Variants in CCSER1 observed in about 807,000 individuals in gnomAD.
The protein encoded by CCSER1 is coiled-coil serine rich protein 1.
CCSER1 carries 41 observed loss-of-function variants against 82.0 expected under a neutral mutation model. The ratio of observed to expected loss-of-function variants is 0.50; its 90% CI spans 0.39 to 0.65. CCSER1 has a LOEUF of 0.65. Ranked by LOEUF, CCSER1 falls within the 30% of genes least tolerant of loss-of-function variation. CCSER1 has a pLI of 0.00. For synonymous variants in CCSER1, 414 were observed against 383.9 expected, an observed-to-expected ratio of 1.08 and a Z score of -0.92; for missense variants, 1,119 against 1,064.2, an observed-to-expected ratio of 1.05 and a Z score of -0.72.
chr4:91,177,259 G>A (rs1733489304), intron 10 of CCSER1, among the ~76,000 whole-genome samples: 1 of 152,176 alleles, frequency 6.6e-6, no homozygotes, highest in South Asian at 2.1e-4. Flanking sequence ...ATGTTCATCA[G>A]GGATATTGGT....
chr4:90,314,933 A>T (rs6854651), intron 3 of CCSER1, among the ~76,000 whole-genome samples: 5 of 131,108 alleles, frequency 3.8e-5, no homozygotes, highest in African/African-American at 1.4e-4. Flanking sequence ...TGCAACCTCT[A>T]CCTCCCCAGT....
At chr4:91,309,826 G>A (rs1203049628) in intron 10 of CCSER1, among the ~76,000 whole-genome samples, 4 of 151,920 alleles carry the variant, frequency 2.6e-5, no homozygotes, top group East Asian at 1.9e-4. Context: ...AGAATGATAC[G>A]TTAGTGTATT....
chr4:90,852,483 G>A (rs966467282), intron 8 of CCSER1, among the ~76,000 whole-genome samples: 1 of 152,236 alleles, frequency 6.6e-6, no homozygotes, highest in African/African-American at 2.4e-5. Context: ...TGGTGCTGCA[G>A]AAGCCAGATA....
intron 6 of CCSER1, among the ~76,000 whole-genome samples, chr4:90,699,216 C>T (rs1463554547): frequency 6.6e-6 from 1 of 152,150 alleles, no homozygotes; most frequent in Non-Finnish European, 1.5e-5. Flanking sequence ...GTAATCCTAG[C>T]ACTTCAGGAA....
chr4:91,543,389 C>T (rs1349297379), intron 10 of CCSER1, among the ~76,000 whole-genome samples: 1 of 152,180 alleles, frequency 6.6e-6, no homozygotes, highest in African/African-American at 2.4e-5. Flanking sequence ...GCAGTTTCTT[C>T]CTAGCCTCAA....
At chr4:91,387,729 TA>T (rs552700209) in intron 10 of CCSER1, among the ~76,000 whole-genome samples, 4 of 148,204 alleles carry the variant, frequency 2.7e-5, no homozygotes, top group East Asian at 2.0e-4. Context: ...AACTAAATGA[TA>T]AAAAAATGAT....
intron 7 of CCSER1, among the ~76,000 whole-genome samples, chr4:90,729,628 C>A (rs1260849226): frequency 1.3e-5 from 2 of 152,094 alleles, no homozygotes; most frequent in East Asian, 3.9e-4. Flanking sequence ...GTAATCCCAG[C>A]ACTTTGGGAG....
At chr4:91,371,145 G>A (rs1750014509) in intron 10 of CCSER1, among the ~76,000 whole-genome samples, 1 of 152,120 alleles carries the variant, frequency 6.6e-6, no homozygotes, top group Non-Finnish European at 1.5e-5. Flanking sequence ...TTACAGGCAT[G>A]AGCCACCACA....
intron 10 of CCSER1, among the ~76,000 whole-genome samples, chr4:91,269,025 C>A (rs1741827394): frequency 1.3e-5 from 2 of 152,142 alleles, no homozygotes; most frequent in Non-Finnish European, 2.9e-5. Flanking sequence ...TATTTTTGGT[C>A]ATGCAAAGAT....
At chr4:90,843,160 AG>A (rs1339291740) in intron 8 of CCSER1, among the ~76,000 whole-genome samples, 1 of 152,056 alleles carries the variant, frequency 6.6e-6, no homozygotes, top group East Asian at 1.9e-4. Context: ...TCATTTCTTC[AG>A]TTTTCTCATC....
chr4:90,618,539 C>G (rs1721731686), intron 5 of CCSER1, among the ~76,000 whole-genome samples: 1 of 151,774 alleles, frequency 6.6e-6, no homozygotes, highest in Non-Finnish European at 1.5e-5. Context: ...TAGGTTCTAA[C>G]TATTTTATGT....
intron 4 of CCSER1, among the ~76,000 whole-genome samples, chr4:90,420,217 T>C (rs187802912): frequency 2.4e-4 from 36 of 152,168 alleles, no homozygotes; most frequent in African/African-American, 8.7e-4. Context: ...ATTAGTTTGA[T>C]ACATTCTTTT....
At chr4:90,460,172 A>C (rs1316010485) in intron 4 of CCSER1, among the ~76,000 whole-genome samples, 1 of 148,372 alleles carries the variant, frequency 6.7e-6, no homozygotes, top group Non-Finnish European at 1.5e-5. Flanking sequence ...TAAAAATACA[A>C]AAATTAGCCG....
At chr4:90,521,034 T>C (rs549735928) in intron 5 of CCSER1, among the ~76,000 whole-genome samples, 24 of 152,232 alleles carry the variant, frequency 1.6e-4, no homozygotes, top group African/African-American at 5.8e-4. Flanking sequence ...CTTGACACTT[T>C]CATTTTAAAA....
At chr4:91,361,745 T>A (rs1006854481) in intron 10 of CCSER1, among the ~76,000 whole-genome samples, 16 of 151,844 alleles carry the variant, frequency 1.1e-4, no homozygotes, top group Non-Finnish European at 1.3e-4. Flanking sequence ...GTGTTTTTGC[T>A]ATGAAGACCA....
chr4:90,343,520 G>A (rs545408108), intron 3 of CCSER1, among the ~76,000 whole-genome samples: 1 of 152,140 alleles, frequency 6.6e-6, no homozygotes, highest in African/African-American at 2.4e-5. Context: ...AGGAGGCTGA[G>A]GCAGGAGAAT....
At position 90,789,436 on chromosome 4, in the gene CCSER1, A is replaced by G. The variant is rs181267841; in HGVS notation, c.2011-26326A>G. ...TACATGAATATCCTAGTGATTCTCA[A>G]ATCTCCATTTTCTGATCAGATATTT... is the stretch of plus-strand genomic sequence containing the variant. On this transcript the variant is annotated intron_variant, in intron 7 of 10. Coordinates refer to ENST00000509176, the MANE Select transcript of CCSER1 (RefSeq NM_001145065.2). Among the ~76,000 whole-genome samples, 685 of 152,172 alleles carry G rather than the reference A, an allele frequency of 4.5e-3. 5 individuals are homozygous for G. Among genetic ancestry groups the G allele is most frequent in the Non-Finnish European group, 5.4e-3 (367 of 68,014 alleles).
At position 90,136,333 on chromosome 4, in the gene CCSER1, C is replaced by T. The variant is rs548268119; in HGVS notation, c.-42+8502C>T. Reference sequence around the variant, plus strand: ...ACACCATGCATTCCAGCTTGGGCAACAGCAAGACCCTGTCTCTAAAAAAGA... The same window carrying T: ...ACACCATGCATTCCAGCTTGGGCAATAGCAAGACCCTGTCTCTAAAAAAGA... On this transcript the variant is annotated intron_variant, in intron 1 of 10. Transcript: ENST00000509176. Among the ~76,000 whole-genome samples, 10 of 152,164 alleles carry T rather than the reference C, an allele frequency of 6.6e-5. No homozygotes were observed. The South Asian group carries it at 2.1e-3, about 32-fold the overall frequency.
chr4:90,325,553 G>A (rs1298624328), intron 3 of CCSER1: 9 of 336,276 alleles, frequency 2.7e-5, no homozygotes, highest in Non-Finnish European at 5.2e-5. Context: ...TGAATGGGCT[G>A]GGACAGCTTC....
Sources: allele counts gnomAD v4.1 joint callset (sites outside exome capture counted in the v4.1 genomes callset), GRCh38; gene constraint gnomAD v4.1.1; transcripts MANE v1.5; gene names NCBI Gene and HGNC (gene_info 2026-07-23, HGNC 2026-07-21).